MSI2: variants seen among roughly 807,000 people sequenced by gnomAD.
MSI2 encodes RNA-binding protein Musashi homolog 2.
MSI2 carries 17 observed loss-of-function variants against 45.6 expected under a neutral mutation model. That is an observed-to-expected ratio of 0.37 (90% CI 0.26 to 0.56). The LOEUF is 0.56. Among genes scored for constraint, MSI2 ranks in the 20% least tolerant of loss-of-function variants. The pLI, the probability that MSI2 is intolerant of heterozygous loss-of-function variation, is 0.77. For synonymous variants in MSI2, 156 were observed against 158.2 expected (o/e 0.99, Z 0.11); for missense variants, 293 against 444.2 (o/e 0.66, Z 3.06).
At chr17:57,330,163 G>A (rs1170281877) in intron 5 of MSI2, among the ~76,000 whole-genome samples, 5 of 152,132 alleles carry the variant, frequency 3.3e-5, no homozygotes, top group African/African-American at 9.7e-5. Flanking sequence ...TGAGTGTTCA[G>A]CACTGCTGCT....
chr17:57,551,674 T>C (rs1056197004), intron 7 of MSI2, among the ~76,000 whole-genome samples: 3 of 152,252 alleles, frequency 2.0e-5, no homozygotes, highest in South Asian at 4.1e-4. Flanking sequence ...GCTGAAGTCT[T>C]AGCTTTCAAG....
chr17:57,477,134 C>T (rs1465205763), intron 6 of MSI2, among the ~76,000 whole-genome samples: 1 of 143,388 alleles, frequency 7.0e-6, no homozygotes, highest in Non-Finnish European at 1.5e-5. Context: ...TTCTGTTGGT[C>T]CATAAGGCCT....
intron 8 of MSI2, among the ~76,000 whole-genome samples, chr17:57,607,595 C>T (rs910543632): frequency 2.6e-5 from 4 of 152,216 alleles, no homozygotes; most frequent in East Asian, 1.9e-4. Flanking sequence ...GGGTCTCTTC[C>T]GCTCACTTTC....
At chr17:57,601,786 CACTGGG>C (rs1905909090) in intron 8 of MSI2, 1 of 152,248 alleles carries the variant, frequency 6.6e-6, no homozygotes, top group Admixed American at 6.5e-5. Flanking sequence ...TGCTTATAGG[CACTGGG>C]ACTGTGCTTT....
intron 6 of MSI2, among the ~76,000 whole-genome samples, chr17:57,446,583 G>A (rs1008054087): frequency 2.6e-5 from 4 of 152,146 alleles, no homozygotes; most frequent in African/African-American, 4.8e-5. Flanking sequence ...CTTGACTGTC[G>A]ATACCTTGAG....
chr17:57,628,489 G>C (rs111943340), intron 10 of MSI2: 1 of 152,230 alleles, frequency 6.6e-6, no homozygotes, highest in Non-Finnish European at 1.5e-5. Context: ...TTCAACCAGC[G>C]GTGGAAGCCC....
At chr17:57,700,962 G>A in the MSI2 span, among the ~76,000 whole-genome samples, 1 of 152,084 alleles carries the variant, frequency 6.6e-6, no homozygotes, top group Non-Finnish European at 1.5e-5. Context: ...GGAGAATTTG[G>A]TCTTTGCTAA....
rs115559124 is a variant in MSI2, at chr17:57,530,157, G to C, written c.454+433G>C. ...AAAAAATCAAAATAAAACATTGTAGGTTCGTTGGGTGTGTAGTGATTACAG... is the reference window on the plus strand; with the variant it reads ...AAAAAATCAAAATAAAACATTGTAGCTTCGTTGGGTGTGTAGTGATTACAG... On this transcript the variant is annotated intron_variant, in intron 7 of 13. Transcript: ENST00000284073. Among the ~76,000 whole-genome samples the C allele has an allele frequency of 3.9e-3, 595 of 152,290 alleles. 4 individuals are homozygous for C. Among genetic ancestry groups the C allele is most frequent in the African/African-American group, 0.014 (564 of 41,560 alleles).
chr17:57,518,108 T>G (rs2086508682), intron 6 of MSI2, among the ~76,000 whole-genome samples: 1 of 152,204 alleles, frequency 6.6e-6, no homozygotes, highest in African/African-American at 2.4e-5. Context: ...GTGGAAGATG[T>G]CTGAAGCCCT....
intron 5 of MSI2, among the ~76,000 whole-genome samples, chr17:57,293,603 T>G (rs1264303324): frequency 6.8e-6 from 1 of 147,620 alleles, no homozygotes; most frequent in East Asian, 1.9e-4. Flanking sequence ...TTGTTTTTTT[T>G]TTTGTTTTTT....
chr17:57,673,262 C>G (rs1304685574), intron 11 of MSI2, among the ~76,000 whole-genome samples: 1 of 152,230 alleles, frequency 6.6e-6, no homozygotes, highest in Non-Finnish European at 1.5e-5. Context: ...TCTGGCTCTT[C>G]CAGGCCCACC....
intron 6 of MSI2, among the ~76,000 whole-genome samples, chr17:57,501,199 G>A (rs931825426): frequency 2.0e-5 from 3 of 152,102 alleles, no homozygotes; most frequent in Admixed American, 2.0e-4. Context: ...TGGCCCTGGG[G>A]CCCGAGCCCT....
intron 5 of MSI2, chr17:57,278,676 G>GTT (rs67174518): frequency 0.041 from 6,200 of 152,252 alleles, 151 homozygotes; most frequent in South Asian, 0.092. Flanking sequence ...GGTGAGATGT[G>GTT]TTTTTTTTTC....
intron 7 of MSI2, among the ~76,000 whole-genome samples, chr17:57,548,900 C>T (rs1247761769): frequency 3.1e-5 from 3 of 98,208 alleles, no homozygotes; most frequent in Non-Finnish European, 2.2e-5. Flanking sequence ...TTTACCCTTC[C>T]CCCCCCCACC....
Position 57,326,444 on chromosome 17 carries a change from G to A in MSI2, c.312+64252G>A, listed in dbSNP as rs111686792. On this transcript the variant is annotated intron_variant, in intron 5 of 13. Coordinates refer to ENST00000284073, the MANE Select transcript of MSI2 (RefSeq NM_138962.4). ...TACATCCAAACCGATTTGGCCCCAG[G>A]GCTTGGGATAAGAGATATAGGTCTG... 1.5e-3 allele frequency among the ~76,000 whole-genome samples: 232 copies of A among 152,210 alleles called. 2 individuals carry two copies. Among genetic ancestry groups the A allele is most frequent in the Middle Eastern group, 6.8e-3 (2 of 294 alleles).
At chr17:57,590,215 A>C (rs994125020) in intron 7 of MSI2, among the ~76,000 whole-genome samples, 1 of 152,246 alleles carries the variant, frequency 6.6e-6, no homozygotes, top group South Asian at 2.1e-4. Context: ...TAGATACTAC[A>C]TGATTGCCCA....
At chr17:57,507,759 A>C (rs929648) in intron 6 of MSI2, among the ~76,000 whole-genome samples, 131,292 of 152,048 alleles carry the variant, frequency 0.86, 56,810 homozygotes, top group Middle Eastern at 0.9. Flanking sequence ...TGACCATATG[A>C]CGTCCACTCC....
chr17:57,268,561 G>A (rs1266812612), intron 5 of MSI2: 2 of 151,692 alleles, frequency 1.3e-5, no homozygotes, highest in African/African-American at 2.4e-5. Flanking sequence ...AACCCAGCCA[G>A]GTGCGGTGGC....
chr17:57,504,720 C>T (rs1052918264), intron 6 of MSI2, among the ~76,000 whole-genome samples: 7 of 152,044 alleles, frequency 4.6e-5, no homozygotes, highest in Non-Finnish European at 7.4e-5. Context: ...CAGCTGAGGT[C>T]GGGAGTTCGA....
Sources: allele counts gnomAD v4.1 joint callset (sites outside exome capture counted in the v4.1 genomes callset), GRCh38; gene constraint gnomAD v4.1.1; transcripts MANE v1.5; gene names NCBI Gene and HGNC (gene_info 2026-07-23, HGNC 2026-07-21).